PRAG1: variants seen among roughly 807,000 people sequenced by gnomAD.
The protein encoded by PRAG1 is PEAK1 related, kinase-activating pseudokinase 1, also known as inactive tyrosine-protein kinase PRAG1.
PRAG1 carries 110 observed loss-of-function variants against 95.6 expected under a neutral mutation model. The ratio of observed to expected loss-of-function variants is 1.15; its 90% CI spans 0.99 to 1.35. PRAG1 has a LOEUF of 1.35. Ranked by LOEUF, PRAG1 falls within the 40% of genes most tolerant of loss-of-function variation. The pLI is 0.00. For missense variants in PRAG1, 2,554 were observed against 1,864.7 expected, an observed-to-expected ratio of 1.37 and a Z score of -6.81; for synonymous variants, 1,052 against 819.4, an observed-to-expected ratio of 1.28 and a Z score of -4.85.
chr8:8,354,544 A>T (rs1799627621), intron 3 of PRAG1, among the ~76,000 whole-genome samples: 1 of 152,226 alleles, frequency 6.6e-6, no homozygotes, highest in African/African-American at 2.4e-5. Flanking sequence ...AAAGTATTGC[A>T]GACTGAATTC....
chr8:8,327,660 C>A (rs748977203), intron 5 of PRAG1, 50 bp downstream of exon 5: 6 of 1,567,858 alleles, frequency 3.8e-6, no homozygotes, highest in Non-Finnish European at 5.2e-6. Context: ...TCTGCCCAAG[C>A]CAGCACCAGC....
intron 3 of PRAG1, among the ~76,000 whole-genome samples, chr8:8,361,631 A>G (rs1799850776): frequency 6.6e-6 from 1 of 152,234 alleles, no homozygotes; most frequent in South Asian, 2.1e-4. Flanking sequence ...GTGATGCAGG[A>G]AAATTGGAGT....
At chr8:8,334,668 G>C (rs1182327911) in intron 4 of PRAG1, among the ~76,000 whole-genome samples, 1 of 149,394 alleles carries the variant, frequency 6.7e-6, no homozygotes, top group Non-Finnish European at 1.5e-5. Context: ...CAGGCTCTAA[G>C]TATCTCGAAT....
At chr8:8,347,361 T>C (rs1799379812) in intron 3 of PRAG1, among the ~76,000 whole-genome samples, 1 of 152,248 alleles carries the variant, frequency 6.6e-6, no homozygotes, top group East Asian at 1.9e-4. Flanking sequence ...CTCTGACTTT[T>C]CTATAAAATG....
chr8:8,330,187 G>A (rs552380426), intron 4 of PRAG1, among the ~76,000 whole-genome samples: 4 of 152,212 alleles, frequency 2.6e-5, no homozygotes, highest in East Asian at 1.9e-4. Context: ...GCAAAATGGC[G>A]AACCCCCAAC....
chr8:8,362,719 T>A (rs903903594), intron 3 of PRAG1, among the ~76,000 whole-genome samples: 1 of 152,294 alleles, frequency 6.6e-6, no homozygotes, highest in South Asian at 2.1e-4. Flanking sequence ...CCATCAGCAA[T>A]CCTGCCACAA....
Position 8,381,434 on chromosome 8 carries a change from C to A in PRAG1, c.314G>T (p.Ser105Ile). 2 of 1,607,004 alleles carry A rather than the reference C, an allele frequency of 1.2e-6. No individual in the cohort carries two copies. Among genetic ancestry groups the A allele is most frequent in the Non-Finnish European group, 1.7e-6 (2 of 1,174,132 alleles). ...CAGCCTCACCTGCGAGACTTCGGCA[C>A]TCAGGTTGGCCTCTGTCCACACATC... ...ASDVWTEANL[S>I]AEVSQVIWRR... is the part of the protein sequence containing the mutation. Residue 105 changes from serine (S) to isoleucine (I), a missense_variant, in exon 2 of 6, where the codon AGT (serine) becomes ATT (isoleucine). Physicochemically the swap from Ser to Ile is moderately radical, Grantham distance 142. Transcript: ENST00000615670.
chr8:8,337,342 T>C (rs751187272), intron 4 of PRAG1, among the ~76,000 whole-genome samples: 1 of 152,178 alleles, frequency 6.6e-6, no homozygotes, highest in African/African-American at 2.4e-5. Flanking sequence ...GGAAGATAAT[T>C]GTGCAATAAC....
At chr8:8,351,240 T>A (rs1476560460) in intron 3 of PRAG1, among the ~76,000 whole-genome samples, 2 of 151,190 alleles carry the variant, frequency 1.3e-5, no homozygotes, top group Non-Finnish European at 2.9e-5. Flanking sequence ...AGGAAGAGAG[T>A]GAGGGAGGTG....
chr8:8,357,081 C>G (rs978579127), intron 3 of PRAG1, among the ~76,000 whole-genome samples: 1 of 151,986 alleles, frequency 6.6e-6, no homozygotes, highest in East Asian at 1.9e-4. Context: ...TAAAATTCCT[C>G]GTGGAAAACA....
chr8:8,363,147 A>G (rs1799897859), intron 3 of PRAG1, among the ~76,000 whole-genome samples: 1 of 150,548 alleles, frequency 6.6e-6, no homozygotes, highest in East Asian at 1.9e-4. Context: ...CTTAATGACT[A>G]TATAAGGTTT....
Position 8,328,071 on chromosome 8 carries a change from C to A in PRAG1, c.2711G>T (p.Gly904Val), listed in dbSNP as rs1400468226. ...PAAGLAGNRG[G>V]CGSPGLQCKG... ...GCACTGGAGGCCAGGGCTCCCGCAG[C>A]CGCCTCTGTTGCCCGCCAGCCCTGC... Residue 904 changes from glycine (G) to valine (V), a missense_variant, in exon 5 of 6, where the codon GGC becomes GTC. Transcript: ENST00000615670. 1.2e-6 allele frequency: 2 copies of A among 1,601,892 alleles called. No individual in the cohort carries two copies. The highest frequency in any genetic ancestry group is 1.1e-5 in the South Asian group (1 of 89,224).
At position 8,377,381 on chromosome 8, in the gene PRAG1, C is replaced by G. The variant is rs782186161; in HGVS notation, c.1028G>C (p.Cys343Ser). The stretch of plus-strand genomic sequence containing the variant: ...GCTGCCGCTGCCGCTGCCGCTGCCA[C>G]AAGAGAGGCCGTCGGAAGAAATGGC... Reference protein sequence around the residue: ...EAAISSDGLSCGSGSGSGSGA... With the variant: ...EAAISSDGLSSGSGSGSGSGA... Residue 343 changes from cysteine to serine, a missense_variant, in exon 3 of 6, where the codon TGT becomes TCT. Coordinates refer to ENST00000615670, the MANE Select transcript of PRAG1 (RefSeq NM_001080826.3). The G allele has an allele frequency of 6.3e-7, 1 of 1,589,822 alleles. No homozygotes were observed. The highest frequency in any genetic ancestry group is 8.6e-7 in the Non-Finnish European group (1 of 1,168,886).
At position 8,377,732 on chromosome 8, in the gene PRAG1, C is replaced by T; in HGVS notation, c.677G>A (p.Gly226Glu). 6.2e-7 allele frequency: 1 copy of T among 1,613,990 alleles called. No individual in the cohort carries two copies. The highest frequency in any genetic ancestry group is 8.5e-7 in the Non-Finnish European group (1 of 1,179,994). ...GTTSGCHQGP[G>E]PLRESLPSED... is the part of the protein sequence containing the mutation. The stretch of plus-strand genomic sequence containing the variant: ...CGAGGGCAGGGATTCCCGCAGGGGC[C>T]CAGGGCCCTGGTGACAGCCAGATGT... The change falls in exon 3 of 6, where the codon GGG becomes GAG. Residue 226 changes from glycine (G) to glutamate (E), a missense_variant. Transcript: ENST00000615670.
intron 3 of PRAG1, among the ~76,000 whole-genome samples, chr8:8,361,921 T>A (rs934453938): frequency 1.5e-4 from 23 of 152,236 alleles, no homozygotes; most frequent in Admixed American, 9.8e-4. Flanking sequence ...ATCACTTGCA[T>A]CTTTCTTCGC....
chr8:8,328,552 A>C (rs571280375), intron 4 of PRAG1, 91 bp from the exon 5 acceptor site: 221 of 1,343,738 alleles, frequency 1.6e-4, no homozygotes, highest in Admixed American at 9.9e-4. Flanking sequence ...TTATTTATTT[A>C]TTTGGTCAGA....
chr8:8,367,634 T>C (rs1433696658), intron 3 of PRAG1, among the ~76,000 whole-genome samples: 1 of 151,982 alleles, frequency 6.6e-6, no homozygotes, highest in Non-Finnish European at 1.5e-5. Context: ...CTTGTATGTA[T>C]CTGGTGGTTT....
intron 5 of PRAG1, 71 bp downstream of exon 5, chr8:8,327,639 C>T: frequency 6.6e-7 from 1 of 1,509,348 alleles, no homozygotes; most frequent in Non-Finnish European, 8.9e-7. Flanking sequence ...ATGACTTGCT[C>T]AGGCCACAGT....
chr8:8,356,343 T>C lies in PRAG1; in HGVS notation c.2163-16708A>G, dbSNP rs1366998432. On this transcript the variant is annotated intron_variant, in intron 3 of 5. Transcript: ENST00000615670. ...GAAATGTAAATCATTATGAAAACTA[T>C]AGAGGTTTTTGTTTTGTTTTGAGAC... 3.9e-5 allele frequency among the ~76,000 whole-genome samples: 6 copies of C among 152,250 alleles called. No individual in the cohort carries two copies. The East Asian group carries it at 1.2e-3, about 29-fold the overall frequency.
Sources: allele counts gnomAD v4.1 joint callset (sites outside exome capture counted in the v4.1 genomes callset), GRCh38; gene constraint gnomAD v4.1.1; transcripts MANE v1.5; gene names NCBI Gene and HGNC (gene_info 2026-07-23, HGNC 2026-07-21).